The following COL25A1 variants were observed in gnomAD, a reference collection of about 807,000 sequenced individuals.
COL25A1 encodes the protein collagen alpha-1(XXV) chain.
A neutral mutation model predicts 128.4 loss-of-function variants in COL25A1; 103 were observed. The ratio of observed to expected loss-of-function variants is 0.80; its 90% CI spans 0.68 to 0.94. COL25A1 has a LOEUF of 0.94. COL25A1 is among the 40% of genes least tolerant of loss of function. The pLI is 0.00. For missense variants in COL25A1, 745 were observed against 840.0 expected, an observed-to-expected ratio of 0.89 and a Z score of 1.40; for synonymous variants, 279 against 277.2, an observed-to-expected ratio of 1.01 and a Z score of -0.06.
intron 6 of COL25A1, among the ~76,000 whole-genome samples, chr4:108,982,455 G>A (rs1051540270): frequency 6.6e-6 from 1 of 152,148 alleles, no homozygotes; most frequent in African/African-American, 2.4e-5. Context: ...GTAGCATAGA[G>A]TAGGTGCCCA....
intron 3 of COL25A1, among the ~76,000 whole-genome samples, chr4:109,113,681 T>C (rs546329229): frequency 1.4e-4 from 21 of 152,096 alleles, no homozygotes; most frequent in Non-Finnish European, 2.6e-4. Context: ...ACTCCAGTGA[T>C]GCTATTTCCA....
At chr4:108,961,865 G>A (rs916409708) in intron 8 of COL25A1, among the ~76,000 whole-genome samples, 1 of 152,088 alleles carries the variant, frequency 6.6e-6, no homozygotes, top group Non-Finnish European at 1.5e-5. Flanking sequence ...AAAATAATAA[G>A]CCTGATGAAA....
intron 3 of COL25A1, among the ~76,000 whole-genome samples, chr4:109,174,716 A>C (rs555267919): frequency 3.0e-4 from 45 of 152,178 alleles, no homozygotes; most frequent in Non-Finnish European, 5.6e-4. Context: ...CTCCTTCATC[A>C]GTGGGGTAAA....
At chr4:109,156,606 C>T (rs4956247) in intron 3 of COL25A1, among the ~76,000 whole-genome samples, 13,403 of 152,066 alleles carry the variant, frequency 0.088, 834 homozygotes, top group East Asian at 0.23. Context: ...AAAGCAAACT[C>T]ATATGTTGAG....
At chr4:109,124,995 TAAAAACAG>T (rs1335962024) in intron 3 of COL25A1, among the ~76,000 whole-genome samples, 4 of 152,164 alleles carry the variant, frequency 2.6e-5, no homozygotes, top group Middle Eastern at 3.4e-3. Context: ...TTACAGAATT[TAAAAACAG>T]AAAACAAAGC....
intron 11 of COL25A1, among the ~76,000 whole-genome samples, chr4:108,930,356 C>T (rs1323603167): frequency 6.6e-6 from 1 of 152,278 alleles, no homozygotes; most frequent in East Asian, 1.9e-4. Flanking sequence ...AGCCCTACCA[C>T]CCCACCCAGC....
chr4:108,911,587 T>C (rs1417149982), intron 13 of COL25A1, among the ~76,000 whole-genome samples: 6 of 152,192 alleles, frequency 3.9e-5, no homozygotes, highest in Non-Finnish European at 8.8e-5. Flanking sequence ...AAATATTTGT[T>C]CAATGAATGA....
chr4:109,109,320 C>T (rs1416467177), intron 3 of COL25A1, among the ~76,000 whole-genome samples: 2 of 152,156 alleles, frequency 1.3e-5, no homozygotes, highest in African/African-American at 4.8e-5. Context: ...CTGTGTCACC[C>T]CACACAACAA....
chr4:109,045,826 T>C (rs1016515036), intron 5 of COL25A1, among the ~76,000 whole-genome samples: 2 of 152,220 alleles, frequency 1.3e-5, no homozygotes, highest in Admixed American at 6.5e-5. Flanking sequence ...GATTTGATGC[T>C]GTTTGCCAAA....
chr4:109,185,319 T>C (rs1295587357), intron 3 of COL25A1, among the ~76,000 whole-genome samples: 1 of 152,154 alleles, frequency 6.6e-6, no homozygotes, highest in African/African-American at 2.4e-5. Context: ...CACTTATCCT[T>C]ATAAACAACA....
At chr4:109,064,799 A>C (rs1460138393) in intron 3 of COL25A1, among the ~76,000 whole-genome samples, 3 of 152,172 alleles carry the variant, frequency 2.0e-5, no homozygotes, top group Non-Finnish European at 4.4e-5. Flanking sequence ...TAACTAAATG[A>C]CCACATCTGG....
intron 26 of COL25A1, among the ~76,000 whole-genome samples, chr4:108,849,062 A>G (rs1241607672): frequency 6.6e-6 from 1 of 152,050 alleles, no homozygotes; most frequent in Non-Finnish European, 1.5e-5. Context: ...ATGCAGGCTA[A>G]AAAAGAGTGG....
At chr4:109,192,695 T>A (rs1212320123) in intron 3 of COL25A1, among the ~76,000 whole-genome samples, 2 of 151,674 alleles carry the variant, frequency 1.3e-5, no homozygotes, top group African/African-American at 4.8e-5. Context: ...CTATTAAAAT[T>A]ACAAAAAAAT....
chr4:109,300,915 C>G (rs541494423), intron 2 of COL25A1, among the ~76,000 whole-genome samples: 3 of 152,292 alleles, frequency 2.0e-5, no homozygotes, highest in South Asian at 2.1e-4. Flanking sequence ...TCCCTCAGCT[C>G]AAGCATATGC....
intron 6 of COL25A1, among the ~76,000 whole-genome samples, chr4:109,009,713 T>G (rs1756397600): frequency 6.6e-6 from 1 of 152,204 alleles, no homozygotes; most frequent in Admixed American, 6.5e-5. Context: ...TTATAATTAG[T>G]ATTGATATTG....
intron 3 of COL25A1, among the ~76,000 whole-genome samples, chr4:109,110,616 A>G (rs1766904517): frequency 6.6e-6 from 1 of 152,146 alleles, no homozygotes; most frequent in Admixed American, 6.6e-5. Context: ...GTAAGAAATG[A>G]AATGTTCACA....
chr4:109,231,296 T>C (rs1275197122), intron 3 of COL25A1, among the ~76,000 whole-genome samples: 1 of 152,124 alleles, frequency 6.6e-6, no homozygotes. Context: ...CACCAAATAC[T>C]CATAGTCAAG....
chr4:108,825,312 T>C (rs1366407269), intron 33 of COL25A1, 90 bp from the exon 34 acceptor site: 2 of 946,882 alleles, frequency 2.1e-6, no homozygotes, highest in African/African-American at 1.6e-5. Flanking sequence ...CATGCAACAC[T>C]AGTACTAGAA....
chr4:109,202,441 T>A (rs947069756), intron 3 of COL25A1, among the ~76,000 whole-genome samples: 2 of 151,958 alleles, frequency 1.3e-5, no homozygotes, highest in Non-Finnish European at 2.9e-5. Flanking sequence ...ACACAGACCT[T>A]ACACCTTTCA....
Sources: gnomAD v4.1 joint callset for allele counts (sites outside exome capture counted in the v4.1 genomes callset) on GRCh38, gnomAD v4.1.1 for gene constraint, MANE v1.5 for transcripts, NCBI Gene and HGNC (gene_info 2026-07-23, HGNC 2026-07-21) for gene names.